The following LSG1 variants were observed in gnomAD, a reference collection of about 807,000 sequenced individuals.
The protein encoded by LSG1 is large subunit GTPase 1 homolog.
In LSG1, 55 loss-of-function variants were observed where a neutral mutation model predicts 82.6. The observed-to-expected ratio is 0.67, with a 90% CI of 0.54 to 0.83. The LOEUF (loss-of-function observed/expected upper bound fraction) is 0.83. LSG1 is among the 40% of genes least tolerant of loss of function. The pLI, the probability that LSG1 is intolerant of heterozygous loss-of-function variation, is 0.00. For missense variants in LSG1, 809 were observed against 807.9 expected (o/e 1.00, Z -0.02); for synonymous variants, 272 against 282.5 (o/e 0.96, Z 0.37).
chr3:194,657,458 G>GTT lies in LSG1; in HGVS notation c.759+1497_759+1498dup, dbSNP rs58115258. Among the ~76,000 whole-genome samples the GTT allele has an allele frequency of 6.0e-4, 83 of 139,162 alleles. 3 individuals are homozygous for GTT. Among genetic ancestry groups the GTT allele is most frequent in the East Asian group, 2.2e-3 (10 of 4,574 alleles). The allele number at this position is 139,162 out of a possible 152,430, so 91.3% of individuals were successfully genotyped here. A position where few individuals can be genotyped will look rare whatever the true frequency, so the allele number is the denominator to read the frequency against. ...AGATGGGATGAGGTTTGCTTAGTAA[G>GTT]TTTTTTTTTTTTTTTTTTTGATATT... On this transcript the variant is annotated intron_variant, in intron 7 of 13. Coordinates refer to ENST00000265245, the MANE Select transcript of LSG1 (RefSeq NM_018385.3).
At position 194,653,001 on chromosome 3, in the gene LSG1, C is replaced by A; in HGVS notation, c.901G>T (p.Asp301Tyr). Reference sequence around the variant, plus strand: ...TCCTCATACTCACTGTCATCTTCATCCGTTGTGGGATTTTCACTAAGTGAA... The same window carrying A: ...TCCTCATACTCACTGTCATCTTCATACGTTGTGGGATTTTCACTAAGTGAA... ...SPSLSENPTT[D>Y]EDDSEYEDCP... Residue 301 changes from aspartate (D) to tyrosine (Y), a missense_variant, in exon 8 of 14, where the codon GAT becomes TAT. Transcript: ENST00000265245. 3 of 1,614,154 alleles carry A rather than the reference C, an allele frequency of 1.9e-6. No homozygotes were observed. The highest frequency in any genetic ancestry group is 2.5e-6 in the Non-Finnish European group (3 of 1,180,030).
At chr3:194,649,128 G>T in intron 10 of LSG1, 1 of 252,552 alleles carries the variant, frequency 4.0e-6, no homozygotes, top group Non-Finnish European at 7.6e-6. Flanking sequence ...AAAGCAAGGG[G>T]AGTCTCTGTT....
In LSG1 at chr3:194,645,549, C is replaced by CACACAG. The variant is rs1560219723; in HGVS notation, c.1623+614_1623+615insCTGTGT. 1.9e-4 allele frequency: 9 copies of CACACAG among 47,674 alleles called. 1 individual carries two copies. The highest frequency in any genetic ancestry group is 5.2e-4 in the African/African-American group (7 of 13,484). The allele number at this position is 47,674 out of a possible 1,614,324, so 3.0% of individuals were successfully genotyped here. On this transcript the variant is annotated intron_variant, in intron 12 of 13. Coordinates refer to ENST00000265245, the MANE Select transcript of LSG1 (RefSeq NM_018385.3). ...ACACACAGACAGACACACACACACA[C>CACACAG]ACACACACACACACACACACAGACA...
rs564729812 is a variant in LSG1 at position 194,645,822 on chromosome 3, G to C, written c.1623+342C>G. Among the ~76,000 whole-genome samples the C allele has an allele frequency of 1.3e-4, 20 of 152,310 alleles. No homozygotes were observed. In the South Asian group the frequency reaches 3.9e-3, roughly 30 times the overall value. ...CAGGGTTAGCTTTCAAGAAATGTTA[G>C]CTGTTATCGTTACTAGGCAAATATA... On this transcript the variant is annotated intron_variant, in intron 12 of 13. Transcript: ENST00000265245.
intron 2 of LSG1, among the ~76,000 whole-genome samples, chr3:194,667,942 A>AAAAAAAAAAAAAAT (rs1416407494): frequency 1.1e-4 from 10 of 86,966 alleles, no homozygotes; most frequent in East Asian, 8.5e-4. Context: ...AAAAAAAAAA[A>AAAAAAAAAAAAAAT]ATATATATAT....
In LSG1 at chr3:194,653,773, C is replaced by T. The variant is rs188592982; in HGVS notation, c.760-631G>A. 3.9e-5 allele frequency among the ~76,000 whole-genome samples: 6 copies of T among 152,106 alleles called. No homozygotes were observed. In the East Asian group the frequency reaches 5.8e-4, roughly 15 times the overall value. On this transcript the variant is annotated intron_variant, in intron 7 of 13. Coordinates refer to ENST00000265245, the MANE Select transcript of LSG1 (RefSeq NM_018385.3). Reference sequence around the variant, plus strand: ...ACTCTAGGCCGGGTGCTACGGCTCACGCCTGTAATCCCAGCGCTTGGGTGG... The same window carrying T: ...ACTCTAGGCCGGGTGCTACGGCTCATGCCTGTAATCCCAGCGCTTGGGTGG...
At chr3:194,651,754 GAGA>G (rs1468002374) in intron 8 of LSG1, among the ~76,000 whole-genome samples, 1 of 152,228 alleles carries the variant, frequency 6.6e-6, no homozygotes, top group Non-Finnish European at 1.5e-5. Flanking sequence ...AAAACTTGTA[GAGA>G]AGCTGAACTT....
In LSG1 at chr3:194,662,817, C is replaced by T. The variant is rs1048348797; in HGVS notation, c.522-2684G>A. On this transcript the variant is annotated intron_variant, in intron 5 of 13. Transcript: ENST00000265245. ...AAACTGACTGGCTCTGGGGAAAAGA[C>T]CTACAGATCTTAACATCTTGGGGTA... 6.6e-5 allele frequency among the ~76,000 whole-genome samples: 10 copies of T among 152,208 alleles called. 2 individuals are homozygous for T. In the East Asian group the frequency reaches 1.7e-3, roughly 26 times the overall value.
At chr3:194,644,795 G>A in intron 12 of LSG1, 49 bp from the exon 13 acceptor site, 1 of 1,480,178 alleles carries the variant, frequency 6.8e-7, no homozygotes, top group Non-Finnish European at 9.2e-7. Context: ...TGCCATCTGT[G>A]GCCTCAGAGG....
At chr3:194,649,056 C>T in intron 10 of LSG1, 1 of 346,820 alleles carries the variant, frequency 2.9e-6, no homozygotes, top group East Asian at 6.8e-5. Flanking sequence ...CTGAAACAGA[C>T]TTTAAAGATG....
rs1553844958 is a variant in LSG1 at position 194,644,524 on chromosome 3, T to A, written c.1797+49A>T. 4.1e-6 allele frequency: 6 copies of A among 1,479,076 alleles called. No individual in the cohort carries two copies. In the South Asian group the frequency reaches 7.3e-5, roughly 18 times the overall value. The allele number at this position is 1,479,076 out of a possible 1,614,324, so 91.6% of individuals were successfully genotyped here. ...GGCATGTGATACTCAATAAAGCTGT[T>A]ATAAAAAGAGTGTTGGATCAGAAGT... On this transcript the variant is annotated intron_variant, in intron 13 of 13. Coordinates refer to ENST00000265245, the MANE Select transcript of LSG1 (RefSeq NM_018385.3).
intron 6 of LSG1, 125 bp downstream of exon 6, chr3:194,659,948 A>G (rs1307076073): frequency 8.1e-6 from 6 of 736,706 alleles, no homozygotes; most frequent in African/African-American, 1.7e-5. Context: ...CCTTGGAAGG[A>G]GGGAAGGCCT....
At chr3:194,660,513 A>G (rs1439333315) in intron 5 of LSG1, among the ~76,000 whole-genome samples, 1 of 152,138 alleles carries the variant, frequency 6.6e-6, no homozygotes. Flanking sequence ...TATTCCAAAC[A>G]CTTCACTCCA....
rs182243710 is a variant in LSG1 at position 194,651,493 on chromosome 3, G to T, written c.1174-277C>A. 4 of 413,278 alleles carry T rather than the reference G, an allele frequency of 9.7e-6. No individual in the cohort carries two copies. The East Asian group carries it at 2.0e-4, about 20-fold the overall frequency. The allele number at this position is 413,278 out of a possible 1,614,324, so 25.6% of individuals were successfully genotyped here. ...ATGCTACAGAAAATTTCATCCCCTT[G>T]TTCCCAGCCTTCCCTCACTGCCCCA... is the stretch of plus-strand genomic sequence containing the variant. On this transcript the variant is annotated intron_variant, in intron 8 of 13. Coordinates refer to ENST00000265245, the MANE Select transcript of LSG1 (RefSeq NM_018385.3).
rs781552618 is a variant in LSG1, at chr3:194,642,091, G to A, written c.1954C>T (p.Leu652Phe). Residue 652 changes from leucine (L) to phenylalanine (F), a missense_variant, in exon 14 of 14, where the codon CTC becomes TTC. By Grantham distance (22) the Leu-to-Phe change is conservative. Transcript: ENST00000265245. ...NRNKKEKSRRLYKHLDM is the reference protein window; with the variant it reads ...NRNKKEKSRRFYKHLDM ...CCTCACATATCCAGGTGCTTGTAGA[G>A]TCTACGACTTTTTTCTTTTTTATTT... The A allele has an allele frequency of 6.2e-7, 1 of 1,612,824 alleles. No homozygotes were observed. The highest frequency in any genetic ancestry group is 1.7e-5 in the Admixed American group (1 of 60,018).
At chr3:194,645,589 C>CACACACACACACACACACACACAGACAG (rs1718531272) in intron 12 of LSG1, among the ~76,000 whole-genome samples, 1 of 93,254 alleles carries the variant, frequency 1.1e-5, no homozygotes, top group African/African-American at 4.9e-5. Context: ...CACACACACA[C>CACACACACACACACACACACACAGACAG]ACACACACAC....
At chr3:194,642,683 A>G (rs1266720284) in intron 13 of LSG1, among the ~76,000 whole-genome samples, 1 of 152,208 alleles carries the variant, frequency 6.6e-6, no homozygotes, top group Non-Finnish European at 1.5e-5. Context: ...CATATGAATT[A>G]TATTAAAATT....
chr3:194,661,241 C>T (rs1293504777), intron 5 of LSG1, among the ~76,000 whole-genome samples: 1 of 152,200 alleles, frequency 6.6e-6, no homozygotes, highest in East Asian at 1.9e-4. Context: ...TCTAGTTCAG[C>T]TGCTTCTAGT....
intron 5 of LSG1, among the ~76,000 whole-genome samples, chr3:194,662,630 C>T (rs950164554): frequency 1.1e-4 from 16 of 152,188 alleles, no homozygotes; most frequent in South Asian, 4.1e-4. Flanking sequence ...GGCGTGGTGG[C>T]GCGTGCCTGT....
Sources: allele counts gnomAD v4.1 joint callset (sites outside exome capture counted in the v4.1 genomes callset), GRCh38; gene constraint gnomAD v4.1.1; transcripts MANE v1.5; gene names NCBI Gene and HGNC (gene_info 2026-07-23, HGNC 2026-07-21).